RAB23: variants seen among roughly 807,000 people sequenced by gnomAD.
The protein encoded by RAB23 is RAB23, member RAS oncogene family, also known as ras-related protein Rab-23.
RAB23 carries 15 observed loss-of-function variants against 30.0 expected under a neutral mutation model. The ratio of observed to expected loss-of-function variants is 0.50; its 90% confidence interval spans 0.33 to 0.77. The LOEUF is 0.77. RAB23 is among the 30% of genes least tolerant of loss of function. RAB23 has a pLI of 0.02. For missense variants in RAB23, 243 were observed against 275.4 expected (o/e 0.88, Z 0.83); for synonymous variants, 93 against 94.0 (o/e 0.99, Z 0.06).
intron 3 of RAB23, among the ~76,000 whole-genome samples, chr6:57,204,447 T>C (rs1294332879): frequency 6.6e-6 from 1 of 152,176 alleles, no homozygotes; most frequent in East Asian, 1.9e-4. Context: ...TTCCATTGTA[T>C]ACATAACTAT....
At chr6:57,211,124 A>T (rs1669979658) in intron 1 of RAB23, among the ~76,000 whole-genome samples, 1 of 152,070 alleles carries the variant, frequency 6.6e-6, no homozygotes, top group African/African-American at 2.4e-5. Context: ...TCCTGTTTAG[A>T]CTCGGGTCCT....
intron 3 of RAB23, among the ~76,000 whole-genome samples, chr6:57,205,403 A>C (rs1280765222): frequency 6.6e-6 from 1 of 152,174 alleles, no homozygotes; most frequent in Non-Finnish European, 1.5e-5. Context: ...CCTAAGGTCA[A>C]CTGAATTCAC....
Position 57,194,765 on chromosome 6 carries a change from T to C in RAB23, c.481+5A>G, listed in dbSNP as rs150762175. ...TGCAATCTATATCCTTTAAAGGTAA[T>C]TTACCTTCATTCACATTTAGATCTT... On this transcript the variant is annotated splice_donor_5th_base_variant and intron_variant, in intron 5 of 6. Transcript: ENST00000468148. 716 of 1,596,234 alleles carry C rather than the reference T, an allele frequency of 4.5e-4. 3 individuals are homozygous for C. The African/African-American group carries it at 8.4e-3, about 19-fold the overall frequency.
At position 57,220,010 on chromosome 6, in the gene RAB23, A is replaced by G. The variant is rs181690739; in HGVS notation, c.-66+1716T>C. Among the ~76,000 whole-genome samples, 55 of 152,324 alleles carry G rather than the reference A, an allele frequency of 3.6e-4. No individual in the cohort carries two copies. The East Asian group carries it at 7.9e-3, about 22-fold the overall frequency. On this transcript the variant is annotated intron_variant, in intron 1 of 6. Coordinates refer to ENST00000468148, the MANE Select transcript of RAB23 (RefSeq NM_016277.5). ...CAGACTGGAAGAAAATACCTGAAAA[A>G]CACGTATCTAACATATAATTTGTAT...
chr6:57,207,526 C>G (rs1765492457), intron 3 of RAB23, 102 bp downstream of exon 3: 1 of 779,862 alleles, frequency 1.3e-6, no homozygotes, highest in African/African-American at 1.8e-5. Flanking sequence ...TTTAACTATT[C>G]TTCAAGAGAA....
chr6:57,192,712 ACT>A (rs1413366175), intron 6 of RAB23, among the ~76,000 whole-genome samples: 1 of 152,018 alleles, frequency 6.6e-6, no homozygotes, highest in Admixed American at 6.6e-5. Flanking sequence ...ACACAGTGAG[ACT>A]CTGTTTCTTT....
intron 1 of RAB23, among the ~76,000 whole-genome samples, chr6:57,220,829 GA>G (rs920551197): frequency 8.6e-5 from 13 of 150,596 alleles, no homozygotes; most frequent in African/African-American, 1.2e-4. Flanking sequence ...ACTGTACATC[GA>G]AAAAAAATCA....
chr6:57,209,340 A>C (rs1222440774), intron 2 of RAB23, among the ~76,000 whole-genome samples: 1 of 152,232 alleles, frequency 6.6e-6, no homozygotes. Flanking sequence ...CAGAACCTAT[A>C]AACAATAAGG....
intron 1 of RAB23, among the ~76,000 whole-genome samples, chr6:57,211,289 A>G (rs1765642618): frequency 7.9e-5 from 12 of 151,610 alleles, no homozygotes; most frequent in Admixed American, 7.9e-4. Context: ...AGTTGCCACT[A>G]AAAAAAATAA....
intron 1 of RAB23, among the ~76,000 whole-genome samples, chr6:57,214,675 C>A (rs899686098): frequency 5.9e-5 from 9 of 152,078 alleles, no homozygotes; most frequent in African/African-American, 2.2e-4. Context: ...AGAGGTAGTG[C>A]CCCACCCTTC....
intron 1 of RAB23, among the ~76,000 whole-genome samples, chr6:57,220,520 G>A (rs1766015230): frequency 6.6e-6 from 1 of 152,158 alleles, no homozygotes; most frequent in East Asian, 1.9e-4. Flanking sequence ...ATGGGCAGAT[G>A]TTGAAACAGA....
At position 57,196,587 on chromosome 6, in the gene RAB23, G is replaced by C. The variant is rs764774207; in HGVS notation, c.261C>G (p.Leu87=). 14 of 1,613,804 alleles carry C rather than the reference G, an allele frequency of 8.7e-6. No homozygotes were observed. The highest frequency in any genetic ancestry group is 1.2e-5 in the Non-Finnish European group (14 of 1,179,926). The change falls in exon 4 of 7, where the codon CTC becomes CTG. Residue 87 remains leucine (L), a synonymous_variant. Transcript: ENST00000468148. ...ATTCCCTATCTGTGGTAGAGAACACGAGCACACAAGCCTGGGCTCCTGTAA... is the reference window on the plus strand; with the variant it reads ...ATTCCCTATCTGTGGTAGAGAACACCAGCACACAAGCCTGGGCTCCTGTAA... ...AYYRGAQACV[L]VFSTTDRESF...
At chr6:57,201,021 T>C (rs917295977) in intron 3 of RAB23, among the ~76,000 whole-genome samples, 1 of 152,004 alleles carries the variant, frequency 6.6e-6, no homozygotes, top group Non-Finnish European at 1.5e-5. Context: ...AGAGTCACTT[T>C]GATCTCCCCT....
At chr6:57,191,361 C>G (rs1764832698) in intron 6 of RAB23, among the ~76,000 whole-genome samples, 1 of 152,132 alleles carries the variant, frequency 6.6e-6, no homozygotes, top group Non-Finnish European at 1.5e-5. Context: ...CTCTTTTCTA[C>G]CTAAGTTGTG....
rs949809139 is a variant in RAB23, at chr6:57,222,226, C to T, written c.-566G>A. The T allele has an allele frequency of 6.6e-6, 1 of 152,492 alleles. No homozygotes were observed. Among genetic ancestry groups the T allele is most frequent in the Non-Finnish European group, 1.5e-5 (1 of 68,260 alleles). The allele number at this position is 152,492 out of a possible 1,614,324, so 9.4% of individuals were successfully genotyped here. A position where few individuals can be genotyped will look rare whatever the true frequency, so the allele number is the denominator to read the frequency against. ...AGTAGCCAGGGCTCAGATTGAGTGG[C>T]TCAGCAGCAGCTCCGCCGGGGGTGG... On this transcript the variant is annotated 5_prime_UTR_variant, in exon 1 of 7. Coordinates refer to ENST00000468148, the MANE Select transcript of RAB23 (RefSeq NM_016277.5).
At chr6:57,211,268 T>C (rs1434920754) in intron 1 of RAB23, among the ~76,000 whole-genome samples, 2 of 151,852 alleles carry the variant, frequency 1.3e-5, no homozygotes, top group East Asian at 3.9e-4. Context: ...CTGGGCAACA[T>C]ATAGAGACCC....
At chr6:57,210,772 C>T (rs1277373136) in intron 1 of RAB23, among the ~76,000 whole-genome samples, 1 of 152,218 alleles carries the variant, frequency 6.6e-6, no homozygotes, top group Non-Finnish European at 1.5e-5. Flanking sequence ...TCTTAGTGAA[C>T]ACGTTGCTTA....
At chr6:57,206,310 G>C (rs894277668) in intron 3 of RAB23, among the ~76,000 whole-genome samples, 5 of 152,116 alleles carry the variant, frequency 3.3e-5, no homozygotes, top group Admixed American at 2.6e-4. Flanking sequence ...AGAAGCTCTC[G>C]ATGGTTTCAA....
At chr6:57,216,433 G>C (rs1765838665) in intron 1 of RAB23, among the ~76,000 whole-genome samples, 1 of 152,156 alleles carries the variant, frequency 6.6e-6, no homozygotes, top group African/African-American at 2.4e-5. Flanking sequence ...TTATAGAACT[G>C]TCTATACAAC....
Sources: allele counts gnomAD v4.1 joint callset (sites outside exome capture counted in the v4.1 genomes callset), GRCh38; gene constraint gnomAD v4.1.1; transcripts MANE v1.5; gene names NCBI Gene and HGNC (gene_info 2026-07-23, HGNC 2026-07-21).